Variants in NXPE2 observed in about 807,000 individuals in gnomAD.
NXPE2 encodes the protein NXPE family member 2.
A neutral mutation model predicts 34.4 loss-of-function variants in NXPE2; 34 were observed. The observed-to-expected ratio is 0.99, with a 90% confidence interval of 0.75 to 1.31. The LOEUF (loss-of-function observed/expected upper bound fraction) is 1.31. NXPE2 is among the 40% of genes most tolerant of loss of function. The pLI is 0.00. For missense variants in NXPE2, 649 were observed against 672.5 expected (o/e 0.97, Z 0.39); for synonymous variants, 235 against 231.3 (o/e 1.02, Z -0.15).
the NXPE2 span, among the ~76,000 whole-genome samples, chr11:114,552,311 G>A: frequency 1.3e-5 from 2 of 152,098 alleles, no homozygotes; most frequent in African/African-American, 4.8e-5. Flanking sequence ...ATACAGAAGA[G>A]AAGACAAGGG....
chr11:114,666,807 T>C, the NXPE2 span, among the ~76,000 whole-genome samples: 1 of 152,162 alleles, frequency 6.6e-6, no homozygotes, highest in Non-Finnish European at 1.5e-5. Flanking sequence ...TCCTTGTATT[T>C]ACAACATTTG....
chr11:114,492,030 G>A, the NXPE2 span, among the ~76,000 whole-genome samples: 5 of 152,004 alleles, frequency 3.3e-5, no homozygotes, highest in Admixed American at 2.6e-4. Flanking sequence ...GAGGGGGGAC[G>A]GATAGCATTA....
chr11:114,686,631 C>T (rs1189801638), intron 2 of NXPE2, among the ~76,000 whole-genome samples: 1 of 152,136 alleles, frequency 6.6e-6, no homozygotes, highest in Non-Finnish European at 1.5e-5. Flanking sequence ...TGGGTATATA[C>T]CCAGTAATGG....
the NXPE2 span, among the ~76,000 whole-genome samples, chr11:114,502,340 C>G: frequency 4.6e-5 from 7 of 152,156 alleles, no homozygotes; most frequent in Admixed American, 1.3e-4. Flanking sequence ...TCATTCTAGA[C>G]TTTCTCATTA....
chr11:114,780,736 T>C, the NXPE2 span, among the ~76,000 whole-genome samples: 1 of 152,176 alleles, frequency 6.6e-6, no homozygotes, highest in Non-Finnish European at 1.5e-5. Context: ...AAAAACCTTA[T>C]GGAGGTATGA....
chr11:114,675,758 T>G (rs1171984866), upstream of NXPE2, among the ~76,000 whole-genome samples: 1 of 151,888 alleles, frequency 6.6e-6, no homozygotes, highest in Non-Finnish European at 1.5e-5. Flanking sequence ...ATTCTGAAAC[T>G]TACATGGAAC....
At chr11:114,726,390 T>C in the NXPE2 span, among the ~76,000 whole-genome samples, 1,043 of 152,164 alleles carry the variant, frequency 6.9e-3, 38 homozygotes, top group Admixed American at 0.063. Context: ...CTTGAACTTA[T>C]AAATTTATGT....
chr11:114,743,942 T>C, the NXPE2 span, among the ~76,000 whole-genome samples: 1 of 151,608 alleles, frequency 6.6e-6, no homozygotes, highest in Admixed American at 6.6e-5. Context: ...AGTGTATATT[T>C]ATATATGCAT....
chr11:114,548,915 T>G, the NXPE2 span, among the ~76,000 whole-genome samples: 1 of 151,918 alleles, frequency 6.6e-6, no homozygotes, highest in African/African-American at 2.4e-5. Context: ...CTAGTGAATC[T>G]AATCAATTCA....
At chr11:114,471,383 C>T in the NXPE2 span, among the ~76,000 whole-genome samples, 13 of 151,940 alleles carry the variant, frequency 8.6e-5, no homozygotes, top group Admixed American at 5.9e-4. Context: ...TGTTGAAAAA[C>T]AATAGTAGTT....
chr11:114,761,020 T>A, the NXPE2 span, among the ~76,000 whole-genome samples: 1 of 152,276 alleles, frequency 6.6e-6, no homozygotes, highest in East Asian at 1.9e-4. Flanking sequence ...GGGGTCTGAT[T>A]TGAAGGACAC....
chr11:114,481,955 C>T, the NXPE2 span, among the ~76,000 whole-genome samples: 1 of 152,120 alleles, frequency 6.6e-6, no homozygotes, highest in South Asian at 2.1e-4. Flanking sequence ...TTTCCTCCTA[C>T]CTCGGCATTG....
At chr11:114,530,522 G>T in the NXPE2 span, 1 of 1,613,942 alleles carries the variant, frequency 6.2e-7, no homozygotes, top group Non-Finnish European at 8.5e-7. Context: ...CCAGGTAGGT[G>T]CCATTGTTGA....
chr11:114,516,504 C>G, the NXPE2 span, among the ~76,000 whole-genome samples: 2 of 152,098 alleles, frequency 1.3e-5, no homozygotes, highest in Non-Finnish European at 2.9e-5. Flanking sequence ...ATACTATGCT[C>G]TTGGTCTGAC....
the NXPE2 span, chr11:114,584,010 T>C: frequency 2.8e-6 from 1 of 354,988 alleles, no homozygotes; most frequent in South Asian, 2.6e-5. Flanking sequence ...GAGATGTTCC[T>C]GTCTAGTGTG....
chr11:114,628,737 G>GT, the NXPE2 span, among the ~76,000 whole-genome samples: 1 of 151,418 alleles, frequency 6.6e-6, no homozygotes, highest in Admixed American at 6.6e-5. Context: ...CCAGGAGCTG[G>GT]TTTTTTGAAA....
At chr11:114,762,272 A>T in the NXPE2 span, among the ~76,000 whole-genome samples, 7 of 151,986 alleles carry the variant, frequency 4.6e-5, no homozygotes, top group Admixed American at 4.6e-4. Flanking sequence ...TGTCAGTGTA[A>T]TGTGTGATGT....
chr11:114,742,955 T>G, the NXPE2 span, among the ~76,000 whole-genome samples: 2 of 152,152 alleles, frequency 1.3e-5, no homozygotes, highest in African/African-American at 4.8e-5. Context: ...TTGGGGCTGT[T>G]AAGACTGAGT....
the NXPE2 span, among the ~76,000 whole-genome samples, chr11:114,745,381 G>A: frequency 6.6e-6 from 1 of 152,146 alleles, no homozygotes; most frequent in Admixed American, 6.5e-5. Flanking sequence ...GAGATGCCAG[G>A]TTATTTTTCA....
Sources: gnomAD v4.1 joint callset for allele counts (sites outside exome capture counted in the v4.1 genomes callset) on GRCh38, gnomAD v4.1.1 for gene constraint, MANE v1.5 for transcripts, NCBI Gene and HGNC (gene_info 2026-07-23, HGNC 2026-07-21) for gene names.